The following KIF3C variants were observed in gnomAD, a reference collection of about 807,000 sequenced individuals.
KIF3C encodes the protein kinesin family member 3C, also known as kinesin-like protein KIF3C.
A neutral mutation model predicts 67.7 loss-of-function variants in KIF3C; 12 were observed. The ratio of observed to expected loss-of-function variants is 0.18; its 90% CI spans 0.11 to 0.29. The LOEUF is 0.29. KIF3C is among the 10% of genes least tolerant of loss of function. KIF3C has a pLI of 1.00. For missense variants in KIF3C, 789 were observed against 1,059.6 expected, an observed-to-expected ratio of 0.74 and a Z score of 3.55; for synonymous variants, 393 against 426.2, an observed-to-expected ratio of 0.92 and a Z score of 0.96.
Position 25,977,757 on chromosome 2 carries a change from CT to C in KIF3C, c.1545+2615del, listed in dbSNP as rs150477938. 9.1e-3 allele frequency among the ~76,000 whole-genome samples: 1,390 copies of C among 152,276 alleles called. 25 individuals carry two copies. Among genetic ancestry groups the C allele is most frequent in the African/African-American group, 0.031 (1,281 of 41,532 alleles). On this transcript the variant is annotated intron_variant, in intron 1 of 7. Transcript: ENST00000264712. Reference sequence around the variant, plus strand: ...TTGGTATCTCTAACATGCTCCTCCCCTCTTTACCCTGTAGATTCCTCAAGAG... The same window carrying C: ...TTGGTATCTCTAACATGCTCCTCCCCCTTTACCCTGTAGATTCCTCAAGAG...
chr2:25,935,881 TCC>T (rs1362216839), intron 5 of KIF3C, among the ~76,000 whole-genome samples: 1 of 150,360 alleles, frequency 6.7e-6, no homozygotes, highest in Non-Finnish European at 1.5e-5. Context: ...ATTGAGACCA[TCC>T]TGGCTAACAC....
At chr2:25,977,003 AT>A in intron 1 of KIF3C, among the ~76,000 whole-genome samples, 1 of 152,164 alleles carries the variant, frequency 6.6e-6, no homozygotes, top group South Asian at 2.1e-4. Flanking sequence ...CTAGTATGTT[AT>A]CAAGCTCCCA....
At chr2:25,963,849 C>T (rs1664073947) in intron 1 of KIF3C, among the ~76,000 whole-genome samples, 1 of 151,866 alleles carries the variant, frequency 6.6e-6, no homozygotes, top group Non-Finnish European at 1.5e-5. Flanking sequence ...TGTACCACCA[C>T]ACCTGGCTAA....
At position 25,982,181 on chromosome 2, in the gene KIF3C, C is replaced by T. The variant is rs995439040; in HGVS notation, c.-264G>A. ...CAGTCGCCGCGGGAGCAGCGCCTGC[C>T]GAGCAGCCGTGCCCGGAGCCCGCCC... On this transcript the variant is annotated 5_prime_UTR_variant, in exon 1 of 8. Transcript: ENST00000264712. 1.1e-5 allele frequency: 5 copies of T among 443,616 alleles called. No homozygotes were observed. The highest frequency in any genetic ancestry group is 6.1e-5 in the African/African-American group (3 of 49,426). The allele number at this position is 443,616 out of a possible 1,614,324, so 27.5% of individuals were successfully genotyped here. A position where few individuals can be genotyped will look rare whatever the true frequency, so the allele number is the denominator to read the frequency against.
rs984506912 is a variant in KIF3C at position 25,928,777 on chromosome 2, G to T, written c.*201C>A. On this transcript the variant is annotated 3_prime_UTR_variant, in exon 8 of 8. Coordinates refer to ENST00000264712, the MANE Select transcript of KIF3C (RefSeq NM_002254.8). Reference sequence around the variant, plus strand: ...AGGGCATCTCCCCAACACGAACAGAGCTCCGCGAATAAATAACATGAATTA... The same window carrying T: ...AGGGCATCTCCCCAACACGAACAGATCTCCGCGAATAAATAACATGAATTA... The T allele has an allele frequency of 1.8e-6, 1 of 545,046 alleles. No individual in the cohort carries two copies. 33.8% of individuals were successfully genotyped at this position (545,046 alleles called of 1,614,324 possible).
chr2:25,936,098 AC>A (rs1345575884), intron 5 of KIF3C, among the ~76,000 whole-genome samples: 1 of 151,612 alleles, frequency 6.6e-6, no homozygotes. Flanking sequence ...AAAAAAAAAA[AC>A]AAAACAAAAC....
chr2:25,934,083 GA>G, intron 5 of KIF3C: 1 of 468,438 alleles, frequency 2.1e-6, no homozygotes, highest in Non-Finnish European at 4.4e-6. Flanking sequence ...GACGAACCTT[GA>G]AAACATTTTG....
At position 25,954,347 on chromosome 2, in the gene KIF3C, C is replaced by G; in HGVS notation, c.1809G>C (p.Gln603His). ...AKLQAVKAEIQDQHDEYIRVR... is the reference protein window; with the variant it reads ...AKLQAVKAEIHDQHDEYIRVR... ...CGCGGATATACTCATCATGCTGGTCCTGGATCTCCGCCTTCACCGCCTGCA... is the reference window on the plus strand; with the variant it reads ...CGCGGATATACTCATCATGCTGGTCGTGGATCTCCGCCTTCACCGCCTGCA... The change falls in exon 4 of 8, where the codon CAG becomes CAC. Residue 603 changes from glutamine (Q) to histidine (H), a missense_variant. This residue lies in a region of KIF3C where 648 missense variants were observed against 807.8 expected (regional missense o/e 0.80). Coordinates refer to ENST00000264712, the MANE Select transcript of KIF3C (RefSeq NM_002254.8). The G allele has an allele frequency of 6.2e-7, 1 of 1,614,092 alleles. No homozygotes were observed. Among genetic ancestry groups the G allele is most frequent in the Non-Finnish European group, 8.5e-7 (1 of 1,180,018 alleles).
chr2:25,949,990 A>G (rs1663552654), intron 5 of KIF3C, among the ~76,000 whole-genome samples: 1 of 151,190 alleles, frequency 6.6e-6, no homozygotes. Flanking sequence ...TCCTGGGTTC[A>G]AGTGATTCTC....
Position 25,928,748 on chromosome 2 carries a change from G to A in KIF3C, c.*230C>T, listed in dbSNP as rs2090431846. 6.3e-6 allele frequency: 3 copies of A among 479,252 alleles called. No individual in the cohort carries two copies. The highest frequency in any genetic ancestry group is 1.1e-5 in the Non-Finnish European group (3 of 266,478). 29.7% of individuals were successfully genotyped at this position (479,252 alleles called of 1,614,324 possible). A position where few individuals can be genotyped will look rare whatever the true frequency, so the allele number is the denominator to read the frequency against. On this transcript the variant is annotated 3_prime_UTR_variant, in exon 8 of 8. Transcript: ENST00000264712. ...GACCACGGTAGGCCCAGACGGCTCA[G>A]GCGAGGGCATCTCCCCAACACGAAC...
chr2:25,961,730 G>A (rs1009358604), intron 1 of KIF3C, among the ~76,000 whole-genome samples: 3 of 152,202 alleles, frequency 2.0e-5, no homozygotes, highest in African/African-American at 7.2e-5. Context: ...TGAATTGGGA[G>A]TACTGTGTGT....
intron 1 of KIF3C, among the ~76,000 whole-genome samples, chr2:25,957,187 CT>C (rs571650418): frequency 7.9e-4 from 121 of 152,284 alleles, no homozygotes; most frequent in African/African-American, 2.7e-3. Context: ...CCATCCCCCC[CT>C]AAGAGGGACT....
rs1311842646 is a variant in KIF3C at position 25,950,249 on chromosome 2, C to T, written c.2006+1540G>A. ...TTTTTTTTTTTGAGACGGAGTCTTG[C>T]TCTTGTTGCCCAGGCTGGAGCGCAA... is the stretch of plus-strand genomic sequence containing the variant. On this transcript the variant is annotated intron_variant, in intron 5 of 7. Coordinates refer to ENST00000264712, the MANE Select transcript of KIF3C (RefSeq NM_002254.8). 7.4e-5 allele frequency among the ~76,000 whole-genome samples: 11 copies of T among 149,130 alleles called. No homozygotes were observed. The East Asian group carries it at 2.2e-3, about 30-fold the overall frequency.
At chr2:25,941,569 A>G (rs1386868341) in intron 5 of KIF3C, among the ~76,000 whole-genome samples, 1 of 150,652 alleles carries the variant, frequency 6.6e-6, no homozygotes. Context: ...AAAAAAAAAA[A>G]AGAAGAAGAA....
At chr2:25,979,482 C>T (rs541953528) in intron 1 of KIF3C, among the ~76,000 whole-genome samples, 170 of 152,226 alleles carry the variant, frequency 1.1e-3, no homozygotes, top group African/African-American at 4.0e-3. Context: ...CCAGGCCAAC[C>T]CTCTATTTTA....
In KIF3C at chr2:25,982,227, G is replaced by A; in HGVS notation, c.-310C>T. ...CGCCCCATGCAGGAGCAGAGGGAGC[G>A]CTGCCGTAAACAGCTTCGGCAACAA... On this transcript the variant is annotated 5_prime_UTR_variant, in exon 1 of 8. Transcript: ENST00000264712. The A allele has an allele frequency of 2.4e-6, 1 of 424,616 alleles. No homozygotes were observed. The allele number at this position is 424,616 out of a possible 1,614,324, so 26.3% of individuals were successfully genotyped here.
intron 3 of KIF3C, among the ~76,000 whole-genome samples, chr2:25,954,914 G>A (rs1442133504): frequency 6.6e-6 from 1 of 152,162 alleles, no homozygotes; most frequent in Non-Finnish European, 1.5e-5. Flanking sequence ...AAGCCACTGA[G>A]GGCTGGGTCC....
chr2:25,951,111 T>C (rs1574486029), intron 5 of KIF3C, among the ~76,000 whole-genome samples: 1 of 152,212 alleles, frequency 6.6e-6, no homozygotes, highest in African/African-American at 2.4e-5. Flanking sequence ...CACCTCTCTC[T>C]ATATATTTGC....
chr2:25,929,535 G>T (rs2090440522), intron 6 of KIF3C, 58 bp from the exon 7 acceptor site: 2 of 1,494,290 alleles, frequency 1.3e-6, no homozygotes, highest in Admixed American at 1.7e-5. Context: ...GCCTTCTAGG[G>T]ACTCAGCCAG....
Sources: allele counts gnomAD v4.1 joint callset (sites outside exome capture counted in the v4.1 genomes callset), GRCh38; gene constraint gnomAD v4.1.1; regional missense constraint gnomAD v4.1.1; transcripts MANE v1.5; gene names NCBI Gene and HGNC (gene_info 2026-07-23, HGNC 2026-07-21).